The following OPRM1 variants were observed in gnomAD, a reference collection of about 807,000 sequenced individuals.
OPRM1 encodes the protein opioid receptor mu 1.
Under a neutral mutation model 31.8 loss-of-function variants are expected in OPRM1, and 27 were observed. The observed-to-expected ratio is 0.85, with a 90% CI of 0.63 to 1.17. OPRM1 has a LOEUF of 1.17. Among genes scored for constraint, OPRM1 ranks in the 50% most tolerant of loss-of-function variants. The probability of loss-of-function intolerance (pLI) is 0.00; values close to 1 mark genes in which losing one functional copy is unlikely to be tolerated. For synonymous variants in OPRM1, 196 were observed against 189.9 expected, an observed-to-expected ratio of 1.03 and a Z score of -0.26; for missense variants, 536 against 511.1, an observed-to-expected ratio of 1.05 and a Z score of -0.47.
chr6:154,150,339 A>G (rs1021803831), intron 3 of OPRM1, among the ~76,000 whole-genome samples: 6 of 151,702 alleles, frequency 4.0e-5, no homozygotes, highest in Non-Finnish European at 7.4e-5. Context: ...TTCAGGATCT[A>G]CTCCCAGGTG....
intron 3 of OPRM1, among the ~76,000 whole-genome samples, chr6:154,150,682 G>A (rs529078849): frequency 9.9e-5 from 15 of 152,140 alleles, no homozygotes; most frequent in South Asian, 2.1e-4. Flanking sequence ...TTCTTTACCC[G>A]CACATCCCCA....
intron 3 of OPRM1, among the ~76,000 whole-genome samples, chr6:154,229,646 G>A (rs1001097876): frequency 6.6e-6 from 1 of 151,942 alleles, no homozygotes; most frequent in Non-Finnish European, 1.5e-5. Flanking sequence ...GTGAGCCACC[G>A]TGCCCAGCAG....
intron 3 of OPRM1, among the ~76,000 whole-genome samples, chr6:154,176,925 C>T (rs1305464392): frequency 6.6e-6 from 1 of 152,166 alleles, no homozygotes; most frequent in Non-Finnish European, 1.5e-5. Context: ...CAGCATGACA[C>T]TGGTACTAAA....
chr6:154,108,362 A>T (rs1455579278), intron 3 of OPRM1: 1 of 193,422 alleles, frequency 5.2e-6, no homozygotes, highest in Admixed American at 6.0e-5. Context: ...AAGATAGGAA[A>T]GGAAAAGGAG....
chr6:154,148,041 C>A (rs1798402761), intron 3 of OPRM1, among the ~76,000 whole-genome samples: 1 of 152,206 alleles, frequency 6.6e-6, no homozygotes, highest in African/African-American at 2.4e-5. Flanking sequence ...CTCACCTGCA[C>A]CTTCAAGAGA....
chr6:154,152,356 G>GAAAT, intron 3 of OPRM1, among the ~76,000 whole-genome samples: 1 of 142,724 alleles, frequency 7.0e-6, no homozygotes, highest in Non-Finnish European at 1.5e-5. Flanking sequence ...AGGAAAGAAA[G>GAAAT]AAAGAAAGAA....
chr6:154,142,514 T>G (rs967371449), intron 3 of OPRM1, among the ~76,000 whole-genome samples: 15 of 152,028 alleles, frequency 9.9e-5, no homozygotes, highest in African/African-American at 2.9e-4. Flanking sequence ...CCACTGAGCA[T>G]GCAGGCGGCT....
At chr6:154,045,218 C>T (rs1307127389) in intron 1 of OPRM1, among the ~76,000 whole-genome samples, 2 of 151,838 alleles carry the variant, frequency 1.3e-5, no homozygotes, top group African/African-American at 4.8e-5. Flanking sequence ...CAGTGGGACT[C>T]CGACTCAAAC....
At chr6:154,072,076 C>T (rs539507891) in intron 1 of OPRM1, among the ~76,000 whole-genome samples, 1 of 152,104 alleles carries the variant, frequency 6.6e-6, no homozygotes, top group South Asian at 2.1e-4. Flanking sequence ...TATATACTGT[C>T]CCTTCTCCTT....
chr6:154,094,182 G>A, intron 3 of OPRM1: 1 of 1,259,722 alleles, frequency 7.9e-7, no homozygotes, highest in South Asian at 1.2e-5. Flanking sequence ...CACATTTCAA[G>A]CACATTAGTC....
intron 1 of OPRM1, among the ~76,000 whole-genome samples, chr6:154,012,893 T>C (rs2128375467): frequency 6.6e-6 from 1 of 152,122 alleles, no homozygotes; most frequent in African/African-American, 2.4e-5. Flanking sequence ...AAGAAAGCCT[T>C]CTTGGGTCTC....
At chr6:154,149,625 C>CGT (rs1040854068) in intron 3 of OPRM1, among the ~76,000 whole-genome samples, 6 of 148,558 alleles carry the variant, frequency 4.0e-5, no homozygotes, top group East Asian at 1.9e-4. Context: ...TGTGTGCGCG[C>CGT]GTGTGTGTGT....
intron 3 of OPRM1, among the ~76,000 whole-genome samples, chr6:154,231,475 C>A (rs562637879): frequency 1.3e-5 from 2 of 152,270 alleles, no homozygotes; most frequent in East Asian, 3.9e-4. Flanking sequence ...CAAAGGATTG[C>A]AAAGAATGCA....
intron 1 of OPRM1, among the ~76,000 whole-genome samples, chr6:154,076,676 C>A (rs180686691): frequency 2.0e-5 from 3 of 152,252 alleles, no homozygotes; most frequent in Admixed American, 2.0e-4. Flanking sequence ...ACACCTCCCC[C>A]AAAACTGAGC....
Position 154,021,226 on chromosome 6 carries a change from G to A in OPRM1, c.-1+10208G>A, listed in dbSNP as rs978465393. ...ATTTGTTGAAAACTTACTTTTCTCC[G>A]CTGTATTCCCTTTGCTCCTTTATCA... On this transcript the variant is annotated intron_variant, in intron 1 of 5. Coordinates refer to the OPRM1 transcript ENST00000434900. Among the ~76,000 whole-genome samples the A allele has an allele frequency of 4.3e-4, 66 of 152,204 alleles. 1 individual carries two copies. The highest frequency in any genetic ancestry group is 6.8e-3 in the Middle Eastern group (2 of 294).
chr6:154,042,882 G>A (rs549046980), intron 1 of OPRM1, among the ~76,000 whole-genome samples: 121 of 152,142 alleles, frequency 8.0e-4, no homozygotes, highest in Non-Finnish European at 1.5e-3. Context: ...ACAAACAGTA[G>A]CAATCACTTA....
intron 3 of OPRM1, among the ~76,000 whole-genome samples, chr6:154,182,606 C>T (rs566136125): frequency 1.7e-4 from 26 of 152,126 alleles, no homozygotes; most frequent in Non-Finnish European, 3.2e-4. Flanking sequence ...CGTTGGTGTA[C>T]ATACAAAAAA....
At chr6:154,185,528 C>T (rs1053730948) in intron 3 of OPRM1, among the ~76,000 whole-genome samples, 7 of 152,094 alleles carry the variant, frequency 4.6e-5, no homozygotes, top group African/African-American at 1.7e-4. Context: ...ATAATACATG[C>T]TATGTAAATA....
rs1473887284 is a variant in OPRM1 at position 154,086,190 on chromosome 6, A to G, written c.291-3636A>G. Among the ~76,000 whole-genome samples, 15 of 152,152 alleles carry G rather than the reference A, an allele frequency of 9.9e-5. 1 individual carries two copies. Among genetic ancestry groups the G allele is most frequent in the Non-Finnish European group, 1.6e-4 (11 of 68,010 alleles). On this transcript the variant is annotated intron_variant, in intron 1 of 3. Transcript: ENST00000330432. ...TCTCTTCAGATTAAAGCCTTTGGGT[A>G]TATGCTGGAGGCAATTGGAATTCTT...
Sources: allele counts gnomAD v4.1 joint callset (sites outside exome capture counted in the v4.1 genomes callset), GRCh38; gene constraint gnomAD v4.1.1; transcripts MANE v1.5; gene names NCBI Gene and HGNC (gene_info 2026-07-23, HGNC 2026-07-21).